ST3GAL3: variants seen among roughly 807,000 people sequenced by gnomAD.
The protein encoded by ST3GAL3 is CMP-N-acetylneuraminate-beta-1,4-galactoside alpha-2,3-sialyltransferase.
Under a neutral mutation model 50.1 loss-of-function variants are expected in ST3GAL3, and 21 were observed. The observed-to-expected ratio is 0.42, with a 90% confidence interval of 0.30 to 0.60. ST3GAL3 has a LOEUF of 0.60. Ranked by LOEUF, ST3GAL3 falls within the 20% of genes least tolerant of loss-of-function variation. The pLI is 0.19. For missense variants in ST3GAL3, 353 were observed against 489.4 expected (o/e 0.72, Z 2.63); for synonymous variants, 183 against 190.0 (o/e 0.96, Z 0.30).
chr1:43,930,879 G>C lies in ST3GAL3; in HGVS notation c.*658G>C, dbSNP rs145131924. 6.1e-6 allele frequency: 1 copy of C among 163,422 alleles called. No individual in the cohort carries two copies. The allele number at this position is 163,422 out of a possible 1,614,324, so 10.1% of individuals were successfully genotyped here. On this transcript the variant is annotated 3_prime_UTR_variant, in exon 12 of 12. Transcript: ENST00000347631. Reference sequence around the variant, plus strand: ...CCATCCCTTCGGAGCCAACAAGACCGCCCCAGGGCTATAGCAGAAAGAACT... The same window carrying C: ...CCATCCCTTCGGAGCCAACAAGACCCCCCCAGGGCTATAGCAGAAAGAACT...
intron 9 of ST3GAL3, among the ~76,000 whole-genome samples, chr1:43,906,133 C>T (rs1302198645): frequency 1.6e-5 from 2 of 126,116 alleles, no homozygotes; most frequent in Non-Finnish European, 3.4e-5. Flanking sequence ...TCCTGCTCCT[C>T]TTCCCACCAC....
intron 11 of ST3GAL3, among the ~76,000 whole-genome samples, chr1:43,926,048 G>A (rs2083859793): frequency 6.6e-6 from 1 of 152,180 alleles, no homozygotes; most frequent in Non-Finnish European, 1.5e-5. Context: ...GATCTCTCAG[G>A]ATGCTTGGAA....
At position 43,722,652 on chromosome 1, in the gene ST3GAL3, A is replaced by G. The variant is rs79876517; in HGVS notation, c.-30-13581A>G. Reference sequence around the variant, plus strand: ...GGATGTGTGGCTTCAGGAAGTATTTAGGGATAAAATTTGTAGGACTTGATT... The same window carrying G: ...GGATGTGTGGCTTCAGGAAGTATTTGGGGATAAAATTTGTAGGACTTGATT... On this transcript the variant is annotated intron_variant, in intron 1 of 11. Transcript: ENST00000347631. 9.3e-3 allele frequency among the ~76,000 whole-genome samples: 1,416 copies of G among 152,304 alleles called. 27 individuals carry two copies. Among genetic ancestry groups the G allele is most frequent in the African/African-American group, 0.033 (1,382 of 41,562 alleles).
At chr1:43,755,607 G>A (rs1280885349) in intron 2 of ST3GAL3, among the ~76,000 whole-genome samples, 1 of 152,070 alleles carries the variant, frequency 6.6e-6, no homozygotes, top group East Asian at 1.9e-4. Flanking sequence ...AAAAAGTAGG[G>A]TATTTATATC....
At chr1:43,756,385 T>C (rs1688120657) in intron 2 of ST3GAL3, among the ~76,000 whole-genome samples, 1 of 152,190 alleles carries the variant, frequency 6.6e-6, no homozygotes, top group Non-Finnish European at 1.5e-5. Flanking sequence ...TTACCTTGAT[T>C]GTGATTTTAT....
intron 5 of ST3GAL3, among the ~76,000 whole-genome samples, chr1:43,873,822 T>C (rs2073525590): frequency 6.6e-6 from 1 of 150,714 alleles, no homozygotes; most frequent in Non-Finnish European, 1.5e-5. Context: ...AAAATAAAAA[T>C]ACAAAAAGAA....
chr1:43,871,121 G>A (rs2072600638), intron 5 of ST3GAL3, among the ~76,000 whole-genome samples: 1 of 152,220 alleles, frequency 6.6e-6, no homozygotes, highest in Non-Finnish European at 1.5e-5. Context: ...CATTCCAGAA[G>A]GGAGCAGCCA....
At chr1:43,728,700 A>G (rs1189668175) in intron 1 of ST3GAL3, among the ~76,000 whole-genome samples, 1 of 152,190 alleles carries the variant, frequency 6.6e-6, no homozygotes, top group East Asian at 1.9e-4. Context: ...GCAGTGAGGT[A>G]TGATCACGCC....
intron 3 of ST3GAL3, among the ~76,000 whole-genome samples, chr1:43,798,848 A>G (rs2154159360): frequency 6.6e-6 from 1 of 152,322 alleles, no homozygotes; most frequent in South Asian, 2.1e-4. Flanking sequence ...TGCGTCTGGC[A>G]CATAATAGGT....
At chr1:43,732,794 T>C (rs1256099822) in intron 1 of ST3GAL3, among the ~76,000 whole-genome samples, 3 of 152,088 alleles carry the variant, frequency 2.0e-5, no homozygotes, top group Admixed American at 1.3e-4. Flanking sequence ...TGTTGGAGTA[T>C]TGTTTGAGAA....
intron 5 of ST3GAL3, chr1:43,878,958 C>A (rs1359022930): frequency 2.2e-6 from 1 of 453,214 alleles, no homozygotes; most frequent in Non-Finnish European, 4.4e-6. Context: ...ATTACACCCT[C>A]CAGATAATAA....
intron 4 of ST3GAL3, among the ~76,000 whole-genome samples, chr1:43,827,920 T>C (rs1272794585): frequency 1.3e-5 from 2 of 152,164 alleles, no homozygotes; most frequent in Non-Finnish European, 2.9e-5. Context: ...CGTTAAAATT[T>C]ATATGGAAAG....
chr1:43,765,363 C>G lies in ST3GAL3; in HGVS notation c.119-26739C>G, dbSNP rs113260358. The stretch of plus-strand genomic sequence containing the variant: ...TTCTCTCTTCAAGCACAGAGAAGTT[C>G]ATGTGCTTCCCTGCAGCGCACGTTC... On this transcript the variant is annotated intron_variant, in intron 2 of 11. Transcript: ENST00000347631. 9.3e-3 allele frequency among the ~76,000 whole-genome samples: 1,421 copies of G among 152,292 alleles called. 32 individuals carry two copies. The highest frequency in any genetic ancestry group is 0.032 in the African/African-American group (1,341 of 41,546).
intron 1 of ST3GAL3, among the ~76,000 whole-genome samples, chr1:43,729,030 C>T (rs926842648): frequency 6.6e-6 from 1 of 151,640 alleles, no homozygotes; most frequent in African/African-American, 2.4e-5. Flanking sequence ...ACTGGGACTA[C>T]AGGCACATGC....
chr1:43,715,540 C>T (rs1666953003), intron 1 of ST3GAL3, among the ~76,000 whole-genome samples: 1 of 151,256 alleles, frequency 6.6e-6, no homozygotes, highest in African/African-American at 2.4e-5. Context: ...CATGCCACTA[C>T]ACTCCAGCCT....
At chr1:43,813,903 GCACACACACACACACA>G (rs57672840) in intron 3 of ST3GAL3, among the ~76,000 whole-genome samples, 3 of 125,774 alleles carry the variant, frequency 2.4e-5, no homozygotes, top group Admixed American at 1.5e-4. Context: ...ACGCACACAC[GCACACACACACACACA>G]CACACACACA....
intron 1 of ST3GAL3, among the ~76,000 whole-genome samples, chr1:43,715,812 T>C (rs1667110662): frequency 6.6e-6 from 1 of 152,160 alleles, no homozygotes; most frequent in South Asian, 2.1e-4. Context: ...CCCACAAGCA[T>C]GCATACTGTT....
At chr1:43,790,898 A>G (rs2057995934) in intron 2 of ST3GAL3, among the ~76,000 whole-genome samples, 1 of 152,018 alleles carries the variant, frequency 6.6e-6, no homozygotes, top group South Asian at 2.1e-4. Context: ...AGCCTCCCAA[A>G]GTGCTGGGAT....
At chr1:43,844,277 C>T (rs1365080724) in intron 5 of ST3GAL3, among the ~76,000 whole-genome samples, 1 of 152,168 alleles carries the variant, frequency 6.6e-6, no homozygotes, top group Non-Finnish European at 1.5e-5. Flanking sequence ...GCCCTTTTCC[C>T]ATCCCCGAGG....
Sources: gnomAD v4.1 joint callset for allele counts (sites outside exome capture counted in the v4.1 genomes callset) on GRCh38, gnomAD v4.1.1 for gene constraint, MANE v1.5 for transcripts, NCBI Gene and HGNC (gene_info 2026-07-23, HGNC 2026-07-21) for gene names.